CNIH3: variants seen among roughly 807,000 people sequenced by gnomAD.
CNIH3 encodes protein cornichon homolog 3.
CNIH3 carries 14 observed loss-of-function variants against 24.1 expected under a neutral mutation model. The observed-to-expected ratio is 0.58, with a 90% CI of 0.38 to 0.91. The LOEUF is 0.91. CNIH3 is among the 40% of genes least tolerant of loss of function. The pLI, the probability that CNIH3 is intolerant of heterozygous loss-of-function variation, is 0.00. For synonymous variants in CNIH3, 68 were observed against 73.8 expected (o/e 0.92, Z 0.40); for missense variants, 178 against 196.8 (o/e 0.90, Z 0.57).
At chr1:224,588,931 G>A (rs1008448377), downstream of CNIH3, among the ~76,000 whole-genome samples, 1 of 133,936 alleles carries the variant, frequency 7.5e-6, no homozygotes, top group African/African-American at 3.0e-5. Context: ...TTAGCATTAA[G>A]CCATGGGCCA....
chr1:224,471,595 T>C (rs1022677399), intron 1 of CNIH3, among the ~76,000 whole-genome samples: 27 of 145,388 alleles, frequency 1.9e-4, no homozygotes, highest in Admixed American at 7.5e-4. Flanking sequence ...CATTCTCTCT[T>C]TTTTTTTTTT....
At chr1:224,479,557 CA>C (rs2103009433) in intron 1 of CNIH3, among the ~76,000 whole-genome samples, 1 of 152,308 alleles carries the variant, frequency 6.6e-6, no homozygotes, top group East Asian at 1.9e-4. Flanking sequence ...CCTGTTAAAT[CA>C]AAAGCAAGTT....
At chr1:224,693,549 A>C (rs1045824337) in intron 3 of CNIH3, among the ~76,000 whole-genome samples, 5 of 134,244 alleles carry the variant, frequency 3.7e-5, no homozygotes, top group African/African-American at 1.4e-4. Flanking sequence ...AGCTCATCTC[A>C]GTCAGCCTCA....
intron 1 of CNIH3, among the ~76,000 whole-genome samples, chr1:224,479,144 CTTTTTTTTTTTT>C (rs35188696): frequency 1.9e-5 from 1 of 53,698 alleles, no homozygotes; most frequent in East Asian, 8.0e-4. Context: ...CCCCCAAAGT[CTTTTTTTTTTTT>C]TTTTTTTTTT....
intron 1 of CNIH3, among the ~76,000 whole-genome samples, chr1:224,485,826 T>G (rs950009764): frequency 1.3e-5 from 2 of 152,206 alleles, no homozygotes; most frequent in Admixed American, 1.3e-4. Flanking sequence ...AAAAATAGAC[T>G]GATACAATGA....
chr1:224,668,501 T>G (rs550776713), intron 1 of CNIH3, among the ~76,000 whole-genome samples: 28 of 152,242 alleles, frequency 1.8e-4, no homozygotes, highest in East Asian at 1.4e-3. Flanking sequence ...GTAAGTATTT[T>G]TAGGAATGAG....
rs368606675 is a variant in CNIH3 at position 224,700,800 on chromosome 1, A to G, written c.198+15957A>G. 7.2e-5 allele frequency among the ~76,000 whole-genome samples: 11 copies of G among 152,284 alleles called. No homozygotes were observed. In the South Asian group the frequency reaches 1.7e-3, roughly 23 times the overall value. On this transcript the variant is annotated intron_variant, in intron 3 of 5. Transcript: ENST00000272133. ...CCCCTGGACCTAGATGGTTGGCTCAACACATGTTGGACAGGGCATGGGTCA... is the reference window on the plus strand; with the variant it reads ...CCCCTGGACCTAGATGGTTGGCTCAGCACATGTTGGACAGGGCATGGGTCA...
Position 224,616,550 on chromosome 1 carries a change from G to A in CNIH3, c.-625G>A. The A allele has an allele frequency of 1.0e-6, 1 of 986,978 alleles. No individual in the cohort carries two copies. Among genetic ancestry groups the A allele is most frequent in the Non-Finnish European group, 1.2e-6 (1 of 830,934 alleles). The allele number at this position is 986,978 out of a possible 1,614,324, so 61.1% of individuals were successfully genotyped here. On this transcript the variant is annotated 5_prime_UTR_variant, in exon 1 of 6. Transcript: ENST00000272133. ...GCGCCTCGGAGCGCACGGCTGCGCT[G>A]GAAGCCGCGTCTGGGGCGCAGGACC...
Position 224,484,119 on chromosome 1 carries a change from G to C in CNIH3, n.204-31622G>C, listed in dbSNP as rs549396940. 2.6e-3 allele frequency among the ~76,000 whole-genome samples: 396 copies of C among 150,902 alleles called. 3 individuals carry two copies. Among genetic ancestry groups the C allele is most frequent in the African/African-American group, 9.2e-3 (375 of 40,882 alleles). ...CCAAGAAGTGGAGGTTGCAGTGAGCGGAGATCGCACCATTGCACTCTAGCC... is the reference window on the plus strand; with the variant it reads ...CCAAGAAGTGGAGGTTGCAGTGAGCCGAGATCGCACCATTGCACTCTAGCC... On this transcript the variant is annotated intron_variant and non_coding_transcript_variant, in intron 1 of 5. Transcript: ENST00000471578.
At chr1:224,473,146 C>A (rs760045411) in intron 1 of CNIH3, among the ~76,000 whole-genome samples, 2 of 152,010 alleles carry the variant, frequency 1.3e-5, no homozygotes, top group Non-Finnish European at 2.9e-5. Flanking sequence ...TATTTGCAAG[C>A]CTCATGGTAA....
chr1:224,617,147 T>C lies in CNIH3; in HGVS notation c.-28T>C, dbSNP rs1340599090. On this transcript the variant is annotated 5_prime_UTR_variant, in exon 1 of 6. Coordinates refer to ENST00000272133, the MANE Select transcript of CNIH3 (RefSeq NM_152495.2). The stretch of plus-strand genomic sequence containing the variant: ...TCGGGCTCCTAGGGGCTTCTTGGCG[T>C]GTGTGGTGGGATTGGGGTCCGCCGG... The C allele has an allele frequency of 1.2e-6, 2 of 1,612,442 alleles. No homozygotes were observed. The highest frequency in any genetic ancestry group is 1.7e-6 in the Non-Finnish European group (2 of 1,179,226).
intron 1 of CNIH3, among the ~76,000 whole-genome samples, chr1:224,486,670 G>T (rs1677043305): frequency 6.6e-6 from 1 of 152,188 alleles, no homozygotes; most frequent in South Asian, 2.1e-4. Flanking sequence ...AGAGGCACCT[G>T]ATAGAATCCT....
intron 1 of CNIH3, among the ~76,000 whole-genome samples, chr1:224,629,801 GTCTC>G (rs1683730087): frequency 1.3e-5 from 2 of 152,158 alleles, no homozygotes; most frequent in African/African-American, 4.8e-5. Flanking sequence ...GATGGTTGCT[GTCTC>G]TCTGCTGTCC....
intron 1 of CNIH3, among the ~76,000 whole-genome samples, chr1:224,491,228 C>T (rs992204916): frequency 7.2e-5 from 11 of 152,298 alleles, no homozygotes; most frequent in African/African-American, 1.7e-4. Context: ...TATGAGGTTT[C>T]GTTTGTCTGA....
chr1:224,507,541 T>C (rs1677968703), intron 1 of CNIH3, among the ~76,000 whole-genome samples: 1 of 152,200 alleles, frequency 6.6e-6, no homozygotes, highest in African/African-American at 2.4e-5. Context: ...TTCTCTGGTG[T>C]ATATGTATCC....
At chr1:224,533,765 G>T (rs1442544205) in intron 2 of CNIH3, among the ~76,000 whole-genome samples, 2 of 152,136 alleles carry the variant, frequency 1.3e-5, no homozygotes, top group Admixed American at 6.5e-5. Flanking sequence ...ATCAAGGCTT[G>T]CCCCAATTCA....
intron 5 of CNIH3, among the ~76,000 whole-genome samples, chr1:224,584,196 CA>C: frequency 6.6e-6 from 1 of 152,250 alleles, no homozygotes; most frequent in Admixed American, 6.5e-5. Context: ...GAGTTTTGTT[CA>C]ATTCTGCTCT....
chr1:224,684,917 T>G lies in CNIH3; in HGVS notation c.198+74T>G. On this transcript the variant is annotated intron_variant, in intron 3 of 5. Coordinates refer to ENST00000272133, the MANE Select transcript of CNIH3 (RefSeq NM_152495.2). This position sits in a 1 kb window ranked among gnomAD's most constrained non-coding sequence, Gnocchi z 4.2. ...GTGGGCACACAGTGAAAGAGGCTAG[T>G]GAGGCTCTGCCTGCTCCAGTCCTGT... is the stretch of plus-strand genomic sequence containing the variant. The G allele has an allele frequency of 7.2e-7, 1 of 1,380,804 alleles. No individual in the cohort carries two copies. Among genetic ancestry groups the G allele is most frequent in the African/African-American group, 1.4e-5 (1 of 70,112 alleles). 85.5% of individuals were successfully genotyped at this position (1,380,804 alleles called of 1,614,324 possible).
intron 3 of CNIH3, among the ~76,000 whole-genome samples, chr1:224,721,916 C>A (rs945734351): frequency 3.3e-5 from 5 of 152,186 alleles, no homozygotes; most frequent in African/African-American, 1.2e-4. Flanking sequence ...GACTAGAGAC[C>A]ACCAGCTGCA....
Sources: gnomAD v4.1 joint callset for allele counts (sites outside exome capture counted in the v4.1 genomes callset) on GRCh38, gnomAD v4.1.1 for gene constraint, Gnocchi (gnomAD v3.1) non-coding constraint, MANE v1.5 for transcripts, NCBI Gene and HGNC (gene_info 2026-07-23, HGNC 2026-07-21) for gene names.